Variants in CLCNKA observed in about 807,000 individuals in gnomAD.
CLCNKA encodes chloride channel protein ClC-Ka.
In CLCNKA, 66 loss-of-function variants were observed where a neutral mutation model predicts 83.3. The ratio of observed to expected loss-of-function variants is 0.79; its 90% CI spans 0.65 to 0.97. The LOEUF is 0.97. CLCNKA is among the 50% of genes least tolerant of loss of function. CLCNKA has a pLI of 0.00. For synonymous variants in CLCNKA, 357 were observed against 370.4 expected (o/e 0.96, Z 0.42); for missense variants, 806 against 888.7 (o/e 0.91, Z 1.18).
chr1:16,027,368 G>A lies in CLCNKA; in HGVS notation c.714G>A (p.Arg238=), dbSNP rs753737600. The A allele has an allele frequency of 1.9e-6, 3 of 1,613,794 alleles. No individual in the cohort carries two copies. The Admixed American group carries it at 5.0e-5, about 27-fold the overall frequency. Residue 238 remains arginine (R), a synonymous_variant, in exon 8 of 20, where the codon AGG becomes AGA. Transcript: ENST00000331433. ...ACTTCTCTGTCCGGGATTACTGGAG[G>A]GGCTTCTTTGCGGCCACCTGCGGGG... ...SSHFSVRDYW[R]GFFAATCGAF...
At chr1:16,028,703 C>T (rs781558287) in intron 10 of CLCNKA, 58 bp from the exon 11 acceptor site, 3 of 1,600,902 alleles carry the variant, frequency 1.9e-6, no homozygotes, top group African/African-American at 1.3e-5. Context: ...TCCTACTTCC[C>T]TCTCCTCGGG....
chr1:16,033,091 C>T (rs2022699894), intron 18 of CLCNKA, 79 bp from the exon 19 acceptor site: 4 of 1,449,692 alleles, frequency 2.8e-6, no homozygotes, highest in Non-Finnish European at 3.9e-6. Flanking sequence ...CTTCCTGGCT[C>T]AGAGGCGTGG....
Position 16,032,520 on chromosome 1 carries a change from G to A in CLCNKA, c.1923G>A (p.Leu641=). 6.2e-7 allele frequency: 1 copy of A among 1,612,332 alleles called. No homozygotes were observed. Among genetic ancestry groups the A allele is most frequent in the African/African-American group, 1.3e-5 (1 of 75,040 alleles). ...TGACGCTATTCTCAGAGACCACCTTGCACCAGGTAACAAGTATTGGGGAGT... is the reference window on the plus strand; with the variant it reads ...TGACGCTATTCTCAGAGACCACCTTACACCAGGTAACAAGTATTGGGGAGT... The part of the protein sequence containing the change: ...VTLTLFSETT[L]HQAQNLFKLL... The change falls in exon 18 of 20, where the codon TTG becomes TTA. Residue 641 remains leucine (L), a synonymous_variant. Transcript: ENST00000331433.
chr1:16,031,503 T>C (rs550920998), intron 15 of CLCNKA, among the ~76,000 whole-genome samples: 4 of 152,236 alleles, frequency 2.6e-5, no homozygotes, highest in South Asian at 4.2e-4. Flanking sequence ...GGGTTGGGGA[T>C]TTGGAACTGG....
chr1:16,028,200 A>G, intron 10 of CLCNKA, 81 bp downstream of exon 10: 1 of 1,317,466 alleles, frequency 7.6e-7, no homozygotes, highest in Non-Finnish European at 1.1e-6. Context: ...CCCCACCCCC[A>G]TCCTCCCACT....
At chr1:16,028,318 C>T (rs540598661) in intron 10 of CLCNKA, among the ~76,000 whole-genome samples, 199 bp downstream of exon 10, 1 of 151,740 alleles carries the variant, frequency 6.6e-6, no homozygotes, top group African/African-American at 2.4e-5. Flanking sequence ...ACATTGAACC[C>T]CCATCCCTCC....
chr1:16,023,397 CA>C (rs1270167161), intron 2 of CLCNKA, among the ~76,000 whole-genome samples: 2 of 152,210 alleles, frequency 1.3e-5, no homozygotes, highest in African/African-American at 4.8e-5. Context: ...CCCTGTCCCC[CA>C]GGAACCTCCC....
intron 10 of CLCNKA, among the ~76,000 whole-genome samples, chr1:16,028,433 A>G (rs924758654): frequency 2.0e-5 from 3 of 151,944 alleles, no homozygotes; most frequent in African/African-American, 7.3e-5. Context: ...GGCATTGGCC[A>G]GCCCTCCTGC....
At position 16,026,692 on chromosome 1, in the gene CLCNKA, C is replaced by T. The variant is rs752964218; in HGVS notation, c.577-5C>T. 103 of 1,613,472 alleles carry T rather than the reference C, an allele frequency of 6.4e-5. No individual in the cohort carries two copies. The highest frequency in any genetic ancestry group is 1.0e-4 in the Admixed American group (6 of 59,982). Reference sequence around the variant, plus strand: ...GACTCTGAGCCCTGGACTCGGATCCCCCAGAACAAGAGCAAGCAAAACGAA... The same window carrying T: ...GACTCTGAGCCCTGGACTCGGATCCTCCAGAACAAGAGCAAGCAAAACGAA... On this transcript the variant is annotated splice_polypyrimidine_tract_variant and splice_region_variant and intron_variant, in intron 6 of 19. Coordinates refer to ENST00000331433, the MANE Select transcript of CLCNKA (RefSeq NM_004070.4).
intron 4 of CLCNKA, 48 bp downstream of exon 4, chr1:16,024,939 G>C: frequency 6.2e-7 from 1 of 1,611,774 alleles, no homozygotes. Flanking sequence ...AACCTTCTCA[G>C]ATCCCAGGGG....
chr1:16,032,821 T>C (rs1326995907), intron 18 of CLCNKA, among the ~76,000 whole-genome samples: 1 of 152,230 alleles, frequency 6.6e-6, no homozygotes, highest in Non-Finnish European at 1.5e-5. Context: ...GTCCACCCCA[T>C]TTTGCCTGTG....
chr1:16,024,724 G>C (rs774901402), intron 3 of CLCNKA, 39 bp from the exon 4 acceptor site: 1 of 1,612,820 alleles, frequency 6.2e-7, no homozygotes. Flanking sequence ...GAGGGCTGCA[G>C]AGGCTGTGGG....
Position 16,028,971 on chromosome 1 carries a change from G to A in CLCNKA, c.1053+126G>A, listed in dbSNP as rs773789568. The A allele has an allele frequency of 5.3e-6, 8 of 1,500,772 alleles. 1 individual carries two copies. In the Admixed American group the frequency reaches 7.3e-5, roughly 14 times the overall value. 93.0% of individuals were successfully genotyped at this position (1,500,772 alleles called of 1,614,324 possible). On this transcript the variant is annotated intron_variant, in intron 11 of 19. Coordinates refer to ENST00000331433, the MANE Select transcript of CLCNKA (RefSeq NM_004070.4). The stretch of plus-strand genomic sequence containing the variant: ...ACCTGGGCATCATTCTGCAGATAAG[G>A]AGACCATGGCTCTGGGAGGTCAGAG...
intron 11 of CLCNKA, 77 bp downstream of exon 11, chr1:16,028,922 C>T (rs1218259245): frequency 1.9e-6 from 3 of 1,548,968 alleles, no homozygotes; most frequent in African/African-American, 2.7e-5. Flanking sequence ...TCACGTAATA[C>T]CCTCAGCACC....
At chr1:16,024,021 G>A in intron 3 of CLCNKA, 93 bp downstream of exon 3, 1 of 1,512,300 alleles carries the variant, frequency 6.6e-7, no homozygotes, top group South Asian at 1.1e-5. Flanking sequence ...GCGGTGCAGG[G>A]ACGGACCTGG....
chr1:16,032,490 G>A lies in CLCNKA; in HGVS notation c.1893G>A (p.Val631=), dbSNP rs1411959106. The change falls in exon 18 of 20, where the codon GTG becomes GTA. Residue 631 remains valine (V), a synonymous_variant. Transcript: ENST00000331433. ...CCAGGGGCTGCCCCACGGAACCAGT[G>A]ACCCTGACGCTATTCTCAGAGACCA... ...ILARGCPTEP[V]TLTLFSETTL... 4 of 1,613,332 alleles carry A rather than the reference G, an allele frequency of 2.5e-6. No individual in the cohort carries two copies. The highest frequency in any genetic ancestry group is 3.4e-6 in the Non-Finnish European group (4 of 1,179,958).
Position 16,028,809 on chromosome 1 carries a change from C to G in CLCNKA, c.1017C>G (p.Thr339=). The part of the protein sequence containing the change: ...ALATLLLASI[T]YPPGVGHFLA... ...CCACCTTGCTTCTCGCCTCCATCAC[C>G]TACCCGCCTGGTGTGGGCCACTTCC... The change falls in exon 11 of 20, where the codon ACC becomes ACG. Residue 339 remains threonine (T), a synonymous_variant. Coordinates refer to ENST00000331433, the MANE Select transcript of CLCNKA (RefSeq NM_004070.4). 1.2e-6 allele frequency: 2 copies of G among 1,614,162 alleles called. No individual in the cohort carries two copies. The highest frequency in any genetic ancestry group is 1.7e-6 in the Non-Finnish European group (2 of 1,180,046).
chr1:16,026,137 T>A lies in CLCNKA; in HGVS notation c.388T>A (p.Leu130Met), dbSNP rs2022336992. ...GSGIPELKTM[L>M]AGVILEDYLD... is the part of the protein sequence containing the mutation. ...TGGAATCCCGGAGCTGAAGACCATG[T>A]TGGCGGGTGTGATCTTGGAGGACTA... is the stretch of plus-strand genomic sequence containing the variant. Residue 130 changes from leucine to methionine, a missense_variant, in exon 5 of 20, where the codon TTG becomes ATG. Transcript: ENST00000331433. 1 of 1,613,040 alleles carries A rather than the reference T, an allele frequency of 6.2e-7. No individual in the cohort carries two copies. Among genetic ancestry groups the A allele is most frequent in the African/African-American group, 1.3e-5 (1 of 75,010 alleles).
At chr1:16,028,557 AC>A in intron 10 of CLCNKA, 1 of 707,276 alleles carries the variant, frequency 1.4e-6, no homozygotes, top group Non-Finnish European at 2.6e-6. Context: ...CCTCAGTCAT[AC>A]CCAGTTGAGG....
Sources: gnomAD v4.1 joint callset for allele counts (sites outside exome capture counted in the v4.1 genomes callset) on GRCh38, gnomAD v4.1.1 for gene constraint, MANE v1.5 for transcripts, NCBI Gene and HGNC (gene_info 2026-07-23, HGNC 2026-07-21) for gene names.